Variants in FBLN7 observed in about 807,000 individuals in gnomAD.
The protein encoded by FBLN7 is fibulin 7.
A neutral mutation model predicts 44.0 loss-of-function variants in FBLN7; 31 were observed. The ratio of observed to expected loss-of-function variants is 0.70; its 90% CI spans 0.53 to 0.95. FBLN7 has a LOEUF of 0.95. FBLN7 is among the 40% of genes least tolerant of loss of function. The probability of loss-of-function intolerance (pLI) is 0.00; values close to 1 mark genes in which losing one functional copy is unlikely to be tolerated. For missense variants in FBLN7, 573 were observed against 618.5 expected, an observed-to-expected ratio of 0.93 and a Z score of 0.78; for synonymous variants, 262 against 253.4, an observed-to-expected ratio of 1.03 and a Z score of -0.32.
intron 2 of FBLN7, 43 bp downstream of exon 2, chr2:112,159,878 T>A: frequency 6.9e-7 from 1 of 1,456,392 alleles, no homozygotes; most frequent in Non-Finnish European, 9.1e-7. Context: ...AGCGCAGCAC[T>A]CGAGCACTCT....
chr2:112,191,331 A>C (rs985310513), downstream of FBLN7, among the ~76,000 whole-genome samples: 1 of 152,046 alleles, frequency 6.6e-6, no homozygotes. Flanking sequence ...ATGCACCACC[A>C]CACCTAGCTA....
the FBLN7 span, among the ~76,000 whole-genome samples, chr2:112,206,733 G>GTTTTTTTTTTTTTTTT: frequency 8.1e-6 from 1 of 123,014 alleles, no homozygotes; most frequent in African/African-American, 3.0e-5. Flanking sequence ...CTTATTGACT[G>GTTTTTTTTTTTTTTTT]TTTTTTTTTT....
At chr2:112,189,830 G>A (rs904446952), downstream of FBLN7, 1 of 151,930 alleles carries the variant, frequency 6.6e-6, no homozygotes, top group Non-Finnish European at 1.5e-5. Context: ...ATCTCTAAAA[G>A]ACAACTTTTA....
chr2:112,184,141 C>T (rs1005189323), intron 6 of FBLN7, among the ~76,000 whole-genome samples: 3 of 152,210 alleles, frequency 2.0e-5, no homozygotes, highest in Non-Finnish European at 2.9e-5. Context: ...GCTGGTTCTG[C>T]TCCTGCAGGC....
chr2:112,184,339 C>A (rs773391671), intron 6 of FBLN7, among the ~76,000 whole-genome samples: 6 of 152,164 alleles, frequency 3.9e-5, no homozygotes, highest in Non-Finnish European at 7.4e-5. Flanking sequence ...AGGTGGCTCC[C>A]CGGTGACATC....
chr2:112,141,318 C>T (rs1190397531), intron 1 of FBLN7, among the ~76,000 whole-genome samples: 1 of 152,240 alleles, frequency 6.6e-6, no homozygotes, highest in East Asian at 1.9e-4. Context: ...AACCCAGTCT[C>T]TCTTGTTGGG....
the FBLN7 span, among the ~76,000 whole-genome samples, chr2:112,241,906 G>A: frequency 6.6e-6 from 1 of 152,162 alleles, no homozygotes; most frequent in African/African-American, 2.4e-5. Context: ...TAAAAAACTT[G>A]AAAAGGGGTC....
At chr2:112,243,733 T>C in the FBLN7 span, among the ~76,000 whole-genome samples, 1 of 152,154 alleles carries the variant, frequency 6.6e-6, no homozygotes, top group Non-Finnish European at 1.5e-5. Flanking sequence ...GCTTCTTGCC[T>C]TAAAAACCTA....
At chr2:112,159,901 C>A in intron 2 of FBLN7, 66 bp downstream of exon 2, 2 of 1,356,862 alleles carry the variant, frequency 1.5e-6, no homozygotes, top group Non-Finnish European at 1.9e-6. Context: ...CCGAGACGCT[C>A]CCAGCTGGAG....
the FBLN7 span, among the ~76,000 whole-genome samples, chr2:112,231,181 T>C: frequency 6.6e-6 from 1 of 152,172 alleles, no homozygotes; most frequent in Non-Finnish European, 1.5e-5. Flanking sequence ...TAATTCCACA[T>C]TAACCATTCA....
chr2:112,160,744 ACGCG>A (rs200542477), intron 2 of FBLN7, among the ~76,000 whole-genome samples: 1 of 76,408 alleles, frequency 1.3e-5, no homozygotes, highest in Admixed American at 1.1e-4. Context: ...ACACGCACAC[ACGCG>A]CACGCACACA....
chr2:112,175,565 G>A, intron 3 of FBLN7, 149 bp from the exon 4 acceptor site: 1 of 978,196 alleles, frequency 1.0e-6, no homozygotes, highest in South Asian at 1.6e-5. Flanking sequence ...TCTTGCGGGT[G>A]GAGAGGGTGG....
At chr2:112,213,773 C>T in the FBLN7 span, 4 of 26,074 alleles carry the variant, frequency 1.5e-4, no homozygotes, top group Non-Finnish European at 2.4e-4. Context: ...GAGACTCCGT[C>T]TCAAAAAAAA....
At chr2:112,185,540 C>T (rs1290568819) in intron 7 of FBLN7, among the ~76,000 whole-genome samples, 1 of 152,138 alleles carries the variant, frequency 6.6e-6, no homozygotes, top group South Asian at 2.1e-4. Flanking sequence ...GAAATAAGAA[C>T]CCCATTCCCC....
At chr2:112,160,069 C>A (rs1206615182) in intron 2 of FBLN7, among the ~76,000 whole-genome samples, 3 of 152,210 alleles carry the variant, frequency 2.0e-5, no homozygotes, top group Non-Finnish European at 4.4e-5. Context: ...CGGCTCACTG[C>A]AAGCTCCGCC....
intron 5 of FBLN7, chr2:112,182,095 C>T: frequency 3.4e-6 from 2 of 582,688 alleles, no homozygotes; most frequent in Non-Finnish European, 5.7e-6. Flanking sequence ...AGAACCTGGT[C>T]CAGCCTATGC....
the FBLN7 span, chr2:112,236,427 ATCT>A: frequency 8.5e-7 from 1 of 1,173,044 alleles, no homozygotes; most frequent in East Asian, 2.5e-5. Flanking sequence ...GTAAAAGGAC[ATCT>A]TCATCCGAAA....
chr2:112,166,089 T>C (rs1413880553), intron 3 of FBLN7, among the ~76,000 whole-genome samples: 3 of 152,230 alleles, frequency 2.0e-5, no homozygotes, highest in African/African-American at 7.2e-5. Flanking sequence ...CTCGCTCCGT[T>C]GCCCAGTCTG....
chr2:112,170,476 G>A (rs944181830), intron 3 of FBLN7, among the ~76,000 whole-genome samples: 27 of 150,268 alleles, frequency 1.8e-4, no homozygotes, highest in African/African-American at 6.6e-4. Context: ...GCAGTGAGTC[G>A]AGATCATGCT....
Sources: gnomAD v4.1 joint callset for allele counts (sites outside exome capture counted in the v4.1 genomes callset) on GRCh38, gnomAD v4.1.1 for gene constraint, MANE v1.5 for transcripts, NCBI Gene and HGNC (gene_info 2026-07-23, HGNC 2026-07-21) for gene names.